The following FUT8 variants were observed in gnomAD, a reference collection of about 807,000 sequenced individuals.
The protein encoded by FUT8 is fucosyltransferase 8, also known as alpha-(1,6)-fucosyltransferase.
Under a neutral mutation model 71.3 loss-of-function variants are expected in FUT8, and 29 were observed. That is an observed-to-expected ratio of 0.41 (90% CI 0.30 to 0.55). The LOEUF is 0.55. FUT8 is among the 20% of genes least tolerant of loss of function. The probability of loss-of-function intolerance (pLI) is 0.34; values close to 1 mark genes in which losing one functional copy is unlikely to be tolerated. For missense variants in FUT8, 544 were observed against 702.1 expected (o/e 0.77, Z 2.55); for synonymous variants, 254 against 239.3 (o/e 1.06, Z -0.57).
the FUT8 span, among the ~76,000 whole-genome samples, chr14:65,378,837 G>GTTTT: frequency 0.28 from 18,745 of 66,812 alleles, 5,898 homozygotes; most frequent in Non-Finnish European, 0.39. Context: ...TCACAAGAAG[G>GTTTT]TTTTTTTTTT....
At chr14:65,618,057 A>G (rs1594823596) in intron 5 of FUT8, among the ~76,000 whole-genome samples, 2 of 128,956 alleles carry the variant, frequency 1.6e-5, no homozygotes, top group East Asian at 2.2e-4. Context: ...ATATATATGT[A>G]TGTATATATT....
chr14:65,578,445 C>A (rs546013577), intron 3 of FUT8, among the ~76,000 whole-genome samples: 1 of 152,206 alleles, frequency 6.6e-6, no homozygotes, highest in African/African-American at 2.4e-5. Context: ...ATATTGACGT[C>A]TTTTAATTCA....
rs942471763 is a variant in FUT8 at position 65,691,645 on chromosome 14, G to A, written c.835+22165G>A. ...TATTGATCATTCTTGGGTGTTTCTC[G>A]CAGAGGGGGATTTGGCAGGGTCATA... On this transcript the variant is annotated intron_variant, in intron 7 of 10. Coordinates refer to ENST00000673929, the MANE Select transcript of FUT8 (RefSeq NM_001371533.1). Among the ~76,000 whole-genome samples the A allele has an allele frequency of 6.1e-4, 93 of 151,766 alleles. 1 individual carries two copies. The highest frequency in any genetic ancestry group is 3.4e-3 in the Middle Eastern group (1 of 294).
intron 10 of FUT8, among the ~76,000 whole-genome samples, chr14:65,741,832 T>A (rs774471113): frequency 9.9e-5 from 15 of 152,032 alleles, no homozygotes; most frequent in Non-Finnish European, 1.8e-4. Flanking sequence ...TAAATTCTTT[T>A]GTACTATATA....
chr14:65,487,847 A>C (rs1054774823), intron 2 of FUT8, among the ~76,000 whole-genome samples: 1 of 152,142 alleles, frequency 6.6e-6, no homozygotes, highest in African/African-American at 2.4e-5. Context: ...TTTATTTCAG[A>C]GACAGGGTCT....
intron 2 of FUT8, among the ~76,000 whole-genome samples, chr14:65,502,994 T>A (rs2066670503): frequency 6.6e-6 from 1 of 152,194 alleles, no homozygotes; most frequent in Non-Finnish European, 1.5e-5. Context: ...TTGGCTTAGA[T>A]CCAGTGTTGG....
rs1216365434 is a variant in FUT8, at chr14:65,674,713, C to G, written c.835+5233C>G. On this transcript the variant is annotated intron_variant, in intron 7 of 10. Transcript: ENST00000673929. ...CAGCAGTTTTAAGTATTTTTTCTAT[C>G]TCAACATACCTAAGATAGAAGGTAT... is the stretch of plus-strand genomic sequence containing the variant. Among the ~76,000 whole-genome samples, 5 of 152,160 alleles carry G rather than the reference C, an allele frequency of 3.3e-5. No homozygotes were observed. In the East Asian group the frequency reaches 9.6e-4, roughly 29 times the overall value.
intron 2 of FUT8, among the ~76,000 whole-genome samples, chr14:65,547,671 T>C (rs983694542): frequency 6.6e-6 from 1 of 151,852 alleles, no homozygotes; most frequent in African/African-American, 2.4e-5. Context: ...ACAAGTTCTT[T>C]CCATTTTTTT....
chr14:65,561,382 A>G lies in FUT8; in HGVS notation c.-182A>G. 1 of 613,562 alleles carries G rather than the reference A, an allele frequency of 1.6e-6. No individual in the cohort carries two copies. The highest frequency in any genetic ancestry group is 2.0e-5 in the South Asian group (1 of 50,036). 38.0% of individuals were successfully genotyped at this position (613,562 alleles called of 1,614,324 possible). On this transcript the variant is annotated 5_prime_UTR_variant, in exon 3 of 11. The change creates a new upstream start codon in the 5' untranslated region. Transcript: ENST00000673929. Reference sequence around the variant, plus strand: ...CAGGACAATAAAGCTTCCTACACATATCACCAGGAGGATCTCTTTGAAAGA... The same window carrying G: ...CAGGACAATAAAGCTTCCTACACATGTCACCAGGAGGATCTCTTTGAAAGA...
intron 3 of FUT8, among the ~76,000 whole-genome samples, chr14:65,614,528 C>G (rs747563921): frequency 2.0e-5 from 3 of 152,174 alleles, no homozygotes; most frequent in Non-Finnish European, 4.4e-5. Flanking sequence ...TGCACTGAAA[C>G]CAAGATGTCA....
chr14:65,637,841 C>T (rs1402643103), intron 6 of FUT8, among the ~76,000 whole-genome samples: 3 of 152,104 alleles, frequency 2.0e-5, no homozygotes, highest in South Asian at 2.1e-4. Flanking sequence ...GCCAGGAAGT[C>T]GTCGTGGATT....
At chr14:65,616,999 C>T in intron 5 of FUT8, 1 of 1,392,348 alleles carries the variant, frequency 7.2e-7, no homozygotes, top group Middle Eastern at 1.8e-4. Context: ...CTGTTGTATT[C>T]ATGCAGAACA....
chr14:65,675,332 G>T (rs910170908), intron 7 of FUT8, among the ~76,000 whole-genome samples: 2 of 152,146 alleles, frequency 1.3e-5, no homozygotes, highest in African/African-American at 4.8e-5. Flanking sequence ...TTAGAGATTT[G>T]CAACCTACCA....
intron 6 of FUT8, among the ~76,000 whole-genome samples, chr14:65,657,009 A>C (rs942306505): frequency 5.9e-5 from 9 of 152,290 alleles, no homozygotes; most frequent in Non-Finnish European, 1.2e-4. Context: ...AAAATGAACT[A>C]AAGACTTAAA....
intron 6 of FUT8, among the ~76,000 whole-genome samples, chr14:65,657,659 A>G (rs2140341025): frequency 6.6e-6 from 1 of 152,258 alleles, no homozygotes; most frequent in African/African-American, 2.4e-5. Flanking sequence ...GACTAGAATG[A>G]TGGTTACCAA....
intron 7 of FUT8, among the ~76,000 whole-genome samples, chr14:65,699,851 G>T (rs1159906591): frequency 2.0e-5 from 3 of 151,990 alleles, no homozygotes; most frequent in South Asian, 2.1e-4. Context: ...ATAATCATAC[G>T]CAAGTTACGT....
chr14:65,646,926 C>T (rs1191914688), intron 6 of FUT8, among the ~76,000 whole-genome samples: 1 of 152,064 alleles, frequency 6.6e-6, no homozygotes, highest in Admixed American at 6.5e-5. Flanking sequence ...GGTAGGTTGT[C>T]TAAAAAAGTA....
chr14:65,582,136 G>A (rs1009728911), intron 3 of FUT8, among the ~76,000 whole-genome samples: 14 of 152,124 alleles, frequency 9.2e-5, no homozygotes, highest in Middle Eastern at 3.2e-3. Context: ...GTCACATGAT[G>A]AGTTGAGCTA....
At chr14:65,433,818 C>CTT (rs60644294) in intron 1 of FUT8, among the ~76,000 whole-genome samples, 1 of 145,360 alleles carries the variant, frequency 6.9e-6, no homozygotes. Context: ...CTCTCTCTCT[C>CTT]GCTGTGTTGC....
Sources: gnomAD v4.1 joint callset for allele counts (sites outside exome capture counted in the v4.1 genomes callset) on GRCh38, gnomAD v4.1.1 for gene constraint, MANE v1.5 for transcripts, NCBI Gene and HGNC (gene_info 2026-07-23, HGNC 2026-07-21) for gene names.